PTPRM: variants seen among roughly 807,000 people sequenced by gnomAD.
PTPRM encodes the protein receptor-type tyrosine-protein phosphatase mu.
A neutral mutation model predicts 186.7 loss-of-function variants in PTPRM; 47 were observed. The observed-to-expected ratio is 0.25, with a 90% CI of 0.20 to 0.32. PTPRM has a LOEUF of 0.32. Among genes scored for constraint, PTPRM ranks in the 10% least tolerant of loss-of-function variants. The probability of loss-of-function intolerance (pLI) is 1.00; values close to 1 mark genes in which losing one functional copy is unlikely to be tolerated. For synonymous variants in PTPRM, 668 were observed against 674.9 expected (o/e 0.99, Z 0.16); for missense variants, 1,494 against 1,865.0 (o/e 0.80, Z 3.66).
intron 14 of PTPRM, among the ~76,000 whole-genome samples, chr18:8,235,418 TC>T (rs1412832959): frequency 7.3e-5 from 11 of 151,078 alleles, no homozygotes; most frequent in Non-Finnish European, 1.6e-4. Context: ...TGTAATAATG[TC>T]CCCTCTTTCA....
intron 5 of PTPRM, among the ~76,000 whole-genome samples, chr18:7,937,529 C>T (rs996992632): frequency 7.2e-5 from 11 of 152,324 alleles, no homozygotes; most frequent in African/African-American, 2.2e-4. Flanking sequence ...GAATCCAGGC[C>T]GGTAGTGTCA....
At position 7,888,130 on chromosome 18, in the gene PTPRM, C is replaced by T. The variant is rs772097470; in HGVS notation, c.221C>T (p.Ser74Phe). ...PSGSFMLVNA[S>F]GRPEGQRAHL... ...GGTTCTTTCATGCTGGTGAATGCCT[C>T]TGGGAGACCTGAGGGGCAGAGAGCC... The change falls in exon 3 of 33, where the codon TCT becomes TTT. Residue 74 changes from serine to phenylalanine, a missense_variant. Physicochemically the swap from Ser to Phe is radical, Grantham distance 155. Coordinates refer to ENST00000580170, the MANE Select transcript of PTPRM (RefSeq NM_001105244.2). 1 of 1,614,110 alleles carries T rather than the reference C, an allele frequency of 6.2e-7. No individual in the cohort carries two copies. The highest frequency in any genetic ancestry group is 1.1e-5 in the South Asian group (1 of 91,076).
intron 1 of PTPRM, among the ~76,000 whole-genome samples, chr18:7,573,212 A>G (rs1250466690): frequency 1.3e-5 from 2 of 152,186 alleles, no homozygotes; most frequent in African/African-American, 4.8e-5. Flanking sequence ...TTAGCAAGGG[A>G]GGGTCACTCC....
intron 1 of PTPRM, among the ~76,000 whole-genome samples, chr18:7,690,497 A>G (rs1047161248): frequency 2.6e-5 from 4 of 152,164 alleles, no homozygotes; most frequent in Admixed American, 6.5e-5. Flanking sequence ...AGTACCTTAT[A>G]AACAGGGACA....
chr18:8,176,622 T>G (rs1202937112), intron 14 of PTPRM, among the ~76,000 whole-genome samples: 1 of 152,178 alleles, frequency 6.6e-6, no homozygotes, highest in African/African-American at 2.4e-5. Flanking sequence ...AGGATGGCAA[T>G]TTATGATGTA....
intron 2 of PTPRM, among the ~76,000 whole-genome samples, chr18:7,795,868 T>A (rs1278536296): frequency 6.7e-6 from 1 of 149,914 alleles, no homozygotes. Flanking sequence ...AGGCTGAAAT[T>A]CAGTGGCAAG....
intron 1 of PTPRM, among the ~76,000 whole-genome samples, chr18:7,684,372 G>A (rs1045756802): frequency 6.6e-6 from 1 of 152,028 alleles, no homozygotes. Context: ...GGGATCATAA[G>A]ATCTACTCTT....
chr18:8,375,894 A>G (rs949461236), intron 24 of PTPRM, 152 bp from the exon 25 acceptor site: 1 of 761,930 alleles, frequency 1.3e-6, no homozygotes. Flanking sequence ...TGTGTGTGAG[A>G]TCTAAGGATG....
At chr18:7,977,615 C>T (rs568416773) in intron 7 of PTPRM, among the ~76,000 whole-genome samples, 2 of 152,220 alleles carry the variant, frequency 1.3e-5, no homozygotes, top group African/African-American at 4.8e-5. Flanking sequence ...GCTTACTGCC[C>T]ATAATAAGAG....
intron 7 of PTPRM, among the ~76,000 whole-genome samples, chr18:8,000,118 A>G (rs1361661685): frequency 1.3e-5 from 2 of 152,202 alleles, no homozygotes; most frequent in Non-Finnish European, 2.9e-5. Context: ...AGGGAGGGCA[A>G]TCTGCTTTGC....
intron 14 of PTPRM, among the ~76,000 whole-genome samples, chr18:8,207,447 G>A (rs722973): frequency 0.26 from 39,739 of 151,992 alleles, 5,408 homozygotes; most frequent in Middle Eastern, 0.5. Context: ...CACTACCTAC[G>A]TTTCCAATAA....
intron 19 of PTPRM, 22 bp from the exon 20 acceptor site, chr18:8,296,346 C>G (rs1396599495): frequency 3.3e-6 from 5 of 1,508,726 alleles, no homozygotes; most frequent in Non-Finnish European, 4.6e-6. Context: ...AATTGTAATT[C>G]TCAGTCTCAC....
intron 1 of PTPRM, among the ~76,000 whole-genome samples, chr18:7,709,905 A>G (rs1172639367): frequency 2.6e-5 from 4 of 152,204 alleles, no homozygotes; most frequent in Non-Finnish European, 4.4e-5. Flanking sequence ...GTAAATCAGT[A>G]ATAAAAAAAT....
intron 7 of PTPRM, among the ~76,000 whole-genome samples, chr18:7,982,852 C>T (rs553110936): frequency 7.9e-5 from 12 of 152,040 alleles, no homozygotes; most frequent in African/African-American, 2.7e-4. Flanking sequence ...TGTTATGTGG[C>T]GTGTGATGGT....
intron 1 of PTPRM, among the ~76,000 whole-genome samples, chr18:7,770,423 A>G (rs1033464500): frequency 6.6e-6 from 1 of 152,202 alleles, no homozygotes; most frequent in African/African-American, 2.4e-5. Flanking sequence ...TTGCAATGAA[A>G]TGCACTCCTG....
intron 5 of PTPRM, among the ~76,000 whole-genome samples, chr18:7,930,824 C>T (rs1299910496): frequency 2.6e-5 from 4 of 151,990 alleles, no homozygotes; most frequent in Non-Finnish European, 1.5e-5. Context: ...GAGTCTTTCA[C>T]AATAACGTAA....
Position 8,024,134 on chromosome 18 carries a change from A to C in PTPRM, c.1133-45552A>C, listed in dbSNP as rs142496954. On this transcript the variant is annotated intron_variant, in intron 7 of 32. Transcript: ENST00000580170. ...TGGTCTGTGTATTATGAGGACAGAA[A>C]TGATTTTTAATATCTGGTATGAGTT... 4.4e-3 allele frequency among the ~76,000 whole-genome samples: 676 copies of C among 152,210 alleles called. 2 individuals carry two copies. Among genetic ancestry groups the C allele is most frequent in the African/African-American group, 0.016 (653 of 41,542 alleles).
At position 7,892,926 on chromosome 18, in the gene PTPRM, C is replaced by G. The variant is rs1229754584; in HGVS notation, c.468+4549C>G. Among the ~76,000 whole-genome samples, 6 of 152,282 alleles carry G rather than the reference C, an allele frequency of 3.9e-5. No individual in the cohort carries two copies. The East Asian group carries it at 1.2e-3, about 29-fold the overall frequency. The stretch of plus-strand genomic sequence containing the variant: ...GGCTGTCCCCTCGTCACCCCATCGC[C>G]TCCCCAAGGCCCACCTCCTAATACC... On this transcript the variant is annotated intron_variant, in intron 3 of 32. Transcript: ENST00000580170.
At position 7,926,638 on chromosome 18, in the gene PTPRM, C is replaced by T. The variant is rs61758736; in HGVS notation, c.618C>T (p.Cys206=). The T allele has an allele frequency of 5.9e-5, 95 of 1,613,730 alleles. No homozygotes were observed. The highest frequency in any genetic ancestry group is 1.8e-4 in the East Asian group (8 of 44,856). ...VNAGQFATFQ[C]SAIGRTVAGD... The stretch of plus-strand genomic sequence containing the variant: ...CTGGCCAGTTTGCTACCTTCCAGTG[C>T]AGTGCCATCGGCAGGACCGTGGCAG... The change falls in exon 5 of 33, where the codon TGC becomes TGT. Residue 206 remains cysteine (C), a synonymous_variant. Coordinates refer to ENST00000580170, the MANE Select transcript of PTPRM (RefSeq NM_001105244.2).
Sources: allele counts gnomAD v4.1 joint callset (sites outside exome capture counted in the v4.1 genomes callset), GRCh38; gene constraint gnomAD v4.1.1; transcripts MANE v1.5; gene names NCBI Gene and HGNC (gene_info 2026-07-23, HGNC 2026-07-21).